The following ZNF451 variants were observed in gnomAD, a reference collection of about 807,000 sequenced individuals.
ZNF451 encodes zinc finger protein 451, also known as E3 SUMO-protein ligase ZNF451.
In ZNF451, 80 loss-of-function variants were observed where a neutral mutation model predicts 107.1. That is an observed-to-expected ratio of 0.75 (90% CI 0.62 to 0.90). ZNF451 has a LOEUF of 0.90. Ranked by LOEUF, ZNF451 falls within the 40% of genes least tolerant of loss-of-function variation. The pLI is 0.00. For synonymous variants in ZNF451, 362 were observed against 406.5 expected (o/e 0.89, Z 1.32); for missense variants, 1,107 against 1,236.2 (o/e 0.90, Z 1.57).
Position 57,099,077 on chromosome 6 carries a change from C to T in ZNF451, c.122C>T (p.Pro41Leu), listed in dbSNP as rs369953486. ...IQFVSEGPLR[P>L]VLEYIDLVSS... ...TGTTTATAGGAAGGACCATTACGAC[C>T]TGTTCTTGAATACATTGATCTGGTC... The change falls in exon 3 of 15, where the codon CCT (proline) becomes CTT (leucine). Residue 41 changes from proline (P) to leucine (L), a missense_variant. Transcript: ENST00000370706. The T allele has an allele frequency of 2.5e-6, 4 of 1,613,500 alleles. No individual in the cohort carries two copies. Among genetic ancestry groups the T allele is most frequent in the Non-Finnish European group, 3.4e-6 (4 of 1,179,646 alleles).
chr6:57,151,547 TG>T (rs1226681474), intron 11 of ZNF451, among the ~76,000 whole-genome samples: 1 of 152,184 alleles, frequency 6.6e-6, no homozygotes, highest in Non-Finnish European at 1.5e-5. Context: ...TTTTTGTTTT[TG>T]TTTTTTTTCC....
intron 14 of ZNF451, among the ~76,000 whole-genome samples, chr6:57,162,079 G>C (rs1763696658): frequency 6.6e-6 from 1 of 152,108 alleles, no homozygotes; most frequent in South Asian, 2.1e-4. Context: ...AAAATACTTT[G>C]AGCTTCACTG....
intron 2 of ZNF451, among the ~76,000 whole-genome samples, chr6:57,095,947 C>A (rs930346751): frequency 2.0e-5 from 3 of 151,798 alleles, no homozygotes; most frequent in Non-Finnish European, 4.4e-5. Context: ...CTTCGGCCTC[C>A]TGAGTAGCTG....
intron 3 of ZNF451, among the ~76,000 whole-genome samples, chr6:57,111,210 C>T (rs1400845952): frequency 2.6e-5 from 4 of 151,798 alleles, no homozygotes; most frequent in Admixed American, 1.3e-4. Context: ...CGTGAGCCAC[C>T]GTACCAGGCC....
At position 57,103,073 on chromosome 6, in the gene ZNF451, A is replaced by G. The variant is rs1040116850; in HGVS notation, c.186+3932A>G. The G allele has an allele frequency of 4.1e-6, 4 of 985,328 alleles. No individual in the cohort carries two copies. In the African/African-American group the frequency reaches 7.0e-5, roughly 17 times the overall value. 61.0% of individuals were successfully genotyped at this position (985,328 alleles called of 1,614,324 possible). ...ATAGTGCATCACACTCTAAATACAA[A>G]AAAGATACGCACATCAGTGCCCTGG... is the stretch of plus-strand genomic sequence containing the variant. On this transcript the variant is annotated intron_variant, in intron 3 of 14. Coordinates refer to ENST00000370706, the MANE Select transcript of ZNF451 (RefSeq NM_001031623.3).
intron 3 of ZNF451, chr6:57,100,996 C>T (rs1425078254): frequency 3.9e-6 from 6 of 1,550,762 alleles, no homozygotes; most frequent in Non-Finnish European, 5.2e-6. Context: ...TGAAATGTCC[C>T]GAGTGATACG....
intron 9 of ZNF451, among the ~76,000 whole-genome samples, chr6:57,142,887 C>G (rs140799885): frequency 3.0e-4 from 45 of 152,196 alleles, no homozygotes; most frequent in Admixed American, 1.0e-3. Context: ...TTTAGCTATT[C>G]TTGTGTCTCA....
chr6:57,100,254 TG>T (rs1303086136), intron 3 of ZNF451, among the ~76,000 whole-genome samples: 1 of 152,172 alleles, frequency 6.6e-6, no homozygotes, highest in African/African-American at 2.4e-5. Context: ...ATATCTTGAA[TG>T]GGATATTTTT....
In ZNF451 at chr6:57,099,088, T is replaced by A. The variant is rs1324461554; in HGVS notation, c.133T>A (p.Tyr45Asn). Reference sequence around the variant, plus strand: ...AGGACCATTACGACCTGTTCTTGAATACATTGATCTGGTCAGCAGTGATGA... The same window carrying A: ...AGGACCATTACGACCTGTTCTTGAAAACATTGATCTGGTCAGCAGTGATGA... ...SEGPLRPVLE[Y>N]IDLVSSDDEE... The change falls in exon 3 of 15, where the codon TAC becomes AAC. Residue 45 changes from tyrosine to asparagine, a missense_variant. Transcript: ENST00000370706. The A allele has an allele frequency of 6.2e-7, 1 of 1,613,666 alleles. No individual in the cohort carries two copies.
At chr6:57,125,063 AAAAAT>A (rs1274187065) in intron 4 of ZNF451, among the ~76,000 whole-genome samples, 1 of 152,170 alleles carries the variant, frequency 6.6e-6, no homozygotes, top group Non-Finnish European at 1.5e-5. Context: ...TAGGAAAAGA[AAAAAT>A]AAAATTAACT....
At chr6:57,124,985 T>A (rs1049868024) in intron 4 of ZNF451, 126 bp downstream of exon 4, 1 of 476,002 alleles carries the variant, frequency 2.1e-6, no homozygotes, top group Non-Finnish European at 3.3e-6. Context: ...AGATAGCTCA[T>A]GAATTTAGTA....
chr6:57,114,893 A>G (rs1364732887), intron 3 of ZNF451: 6 of 152,214 alleles, frequency 3.9e-5, no homozygotes, highest in Non-Finnish European at 7.3e-5. Flanking sequence ...AATAACCACT[A>G]TTTAACATTT....
intron 14 of ZNF451, among the ~76,000 whole-genome samples, chr6:57,166,443 A>C (rs564321123): frequency 2.0e-5 from 3 of 152,318 alleles, no homozygotes; most frequent in South Asian, 4.1e-4. Flanking sequence ...AACACTTAAA[A>C]CACAAACACT....
At chr6:57,104,158 A>G (rs1829736980) in intron 3 of ZNF451, 1 of 985,344 alleles carries the variant, frequency 1.0e-6, no homozygotes, top group Non-Finnish European at 1.2e-6. Context: ...AGTGTTCTCT[A>G]CAAAGTGTCT....
chr6:57,103,935 T>G, intron 3 of ZNF451: 2 of 985,376 alleles, frequency 2.0e-6, no homozygotes, highest in Non-Finnish European at 2.4e-6. Flanking sequence ...TGGCGTAAAT[T>G]TTCCTACTTG....
At chr6:57,097,980 TA>T (rs1046175866) in intron 2 of ZNF451, among the ~76,000 whole-genome samples, 12 of 147,854 alleles carry the variant, frequency 8.1e-5, no homozygotes, top group African/African-American at 2.9e-4. Context: ...TTATTATTAT[TA>T]TTATTATTGG....
At position 57,108,298 on chromosome 6, in the gene ZNF451, A is replaced by C. The variant is rs1430549127; in HGVS notation, c.186+9157A>C. 8.1e-6 allele frequency: 8 copies of C among 985,436 alleles called. No homozygotes were observed. The South Asian group carries it at 3.8e-4, about 46-fold the overall frequency. The allele number at this position is 985,436 out of a possible 1,614,324, so 61.0% of individuals were successfully genotyped here. ...TTTCATTACCCGTAAGAGTGGCTCT[A>C]TCACAGCATTTACTGTTAAGGGCTA... On this transcript the variant is annotated intron_variant, in intron 3 of 14. Transcript: ENST00000370706.
chr6:57,141,140 A>T (rs1831736330), intron 7 of ZNF451, among the ~76,000 whole-genome samples, 162 bp from the exon 8 acceptor site: 1 of 152,240 alleles, frequency 6.6e-6, no homozygotes, highest in Non-Finnish European at 1.5e-5. Flanking sequence ...CTCGGTTATG[A>T]TAAAAGTTCC....
chr6:57,122,970 T>A (rs1469827065), intron 3 of ZNF451, among the ~76,000 whole-genome samples: 1 of 151,714 alleles, frequency 6.6e-6, no homozygotes, highest in Non-Finnish European at 1.5e-5. Context: ...ATCCTAGGAG[T>A]TTGAGACCAG....
Sources: gnomAD v4.1 joint callset for allele counts (sites outside exome capture counted in the v4.1 genomes callset) on GRCh38, gnomAD v4.1.1 for gene constraint, MANE v1.5 for transcripts, NCBI Gene and HGNC (gene_info 2026-07-23, HGNC 2026-07-21) for gene names.